Variants in DCC observed in about 807,000 individuals in gnomAD.
DCC encodes DCC netrin 1 receptor, also known as netrin receptor DCC.
DCC carries 58 observed loss-of-function variants against 172.5 expected under a neutral mutation model. The observed-to-expected ratio is 0.34, with a 90% CI of 0.27 to 0.42. The LOEUF is 0.42. Ranked by LOEUF, DCC falls within the 10% of genes least tolerant of loss-of-function variation. The pLI, the probability that DCC is intolerant of heterozygous loss-of-function variation, is 1.00. For missense variants in DCC, 1,740 were observed against 1,791.0 expected (o/e 0.97, Z 0.51); for synonymous variants, 709 against 644.5 (o/e 1.10, Z -1.52).
chr18:53,455,891 T>C lies in DCC; in HGVS notation c.3393-3341T>C, dbSNP rs143814897. ...TTCAATGCCTCCCTGATCTTTACAT[T>C]TGTAGTACTTAGCACATTTCTTGAC... is the stretch of plus-strand genomic sequence containing the variant. On this transcript the variant is annotated intron_variant, in intron 23 of 28. Coordinates refer to ENST00000442544, the MANE Select transcript of DCC (RefSeq NM_005215.4). 4.5e-4 allele frequency among the ~76,000 whole-genome samples: 68 copies of C among 152,346 alleles called. No homozygotes were observed. In the East Asian group the frequency reaches 0.011, roughly 24 times the overall value.
At chr18:53,333,715 T>A (rs749593520) in intron 14 of DCC, among the ~76,000 whole-genome samples, 1 of 152,192 alleles carries the variant, frequency 6.6e-6, no homozygotes, top group Non-Finnish European at 1.5e-5. Context: ...TGAGAACACC[T>A]TGGGGGGTTT....
At chr18:53,117,438 C>T (rs1397981271) in intron 7 of DCC, among the ~76,000 whole-genome samples, 1 of 151,732 alleles carries the variant, frequency 6.6e-6, no homozygotes, top group Admixed American at 6.6e-5. Context: ...TCCACCCTTT[C>T]TTTTGTCATC....
intron 5 of DCC, among the ~76,000 whole-genome samples, chr18:52,935,902 T>C (rs993021821): frequency 1.3e-5 from 2 of 152,124 alleles, no homozygotes; most frequent in African/African-American, 2.4e-5. Context: ...AGTCCTTAAA[T>C]TTTACATATA....
intron 1 of DCC, among the ~76,000 whole-genome samples, chr18:52,671,873 G>C (rs184026609): frequency 6.6e-6 from 1 of 151,962 alleles, no homozygotes; most frequent in Non-Finnish European, 1.5e-5. Context: ...TTTGCAGAAC[G>C]AAACTCTTGA....
At chr18:53,061,390 G>A (rs991904047) in intron 5 of DCC, among the ~76,000 whole-genome samples, 2 of 151,786 alleles carry the variant, frequency 1.3e-5, no homozygotes, top group Non-Finnish European at 2.9e-5. Flanking sequence ...TTAAATTTTA[G>A]TCTCAACCCA....
chr18:52,881,533 G>C (rs143441266), intron 2 of DCC, among the ~76,000 whole-genome samples: 124 of 152,234 alleles, frequency 8.1e-4, no homozygotes, highest in African/African-American at 2.9e-3. Context: ...TATGGCAAGA[G>C]ATAAGTGTCA....
chr18:53,189,098 G>A (rs916565304), intron 9 of DCC, among the ~76,000 whole-genome samples: 2 of 152,018 alleles, frequency 1.3e-5, no homozygotes, highest in East Asian at 1.9e-4. Flanking sequence ...TTCTTAGTAC[G>A]ATTCAATGTC....
intron 19 of DCC, among the ~76,000 whole-genome samples, chr18:53,403,361 C>T (rs149630504): frequency 0.012 from 1,803 of 152,164 alleles, 40 homozygotes; most frequent in African/African-American, 0.04. Flanking sequence ...TAGGTTTTAG[C>T]TTCTTACTTA....
intron 27 of DCC, 124 bp from the exon 28 acceptor site, chr18:53,526,493 T>C: frequency 9.7e-7 from 1 of 1,030,156 alleles, no homozygotes; most frequent in Non-Finnish European, 1.5e-6. Context: ...AATTCATCTT[T>C]ACACTACAGA....
rs117231131 is a variant in DCC, at chr18:53,302,400, G to A, written c.1912-3178G>A. ...CAACTATTTAGACTATTCTGACTTC[G>A]AATACTGTAGATTAGTTTTGCCTAT... On this transcript the variant is annotated intron_variant, in intron 12 of 28. Coordinates refer to ENST00000442544, the MANE Select transcript of DCC (RefSeq NM_005215.4). Among the ~76,000 whole-genome samples, 819 of 152,100 alleles carry A rather than the reference G, an allele frequency of 5.4e-3. 6 individuals are homozygous for A. The highest frequency in any genetic ancestry group is 0.023 in the Admixed American group (346 of 15,282).
intron 1 of DCC, among the ~76,000 whole-genome samples, chr18:52,673,312 G>A (rs1283160805): frequency 2.0e-5 from 3 of 152,016 alleles, no homozygotes; most frequent in Admixed American, 1.3e-4. Context: ...TAGTTGTCAT[G>A]TTTCCTTAGT....
chr18:53,181,349 A>C (rs8084565), intron 9 of DCC, among the ~76,000 whole-genome samples: 4,446 of 151,772 alleles, frequency 0.029, 74 homozygotes, highest in Admixed American at 0.046. Context: ...CCCTTGATCA[A>C]TACTATTGTT....
intron 9 of DCC, among the ~76,000 whole-genome samples, chr18:53,182,621 T>C: frequency 6.6e-6 from 1 of 152,190 alleles, no homozygotes; most frequent in Admixed American, 6.5e-5. Flanking sequence ...TCATGAGTGA[T>C]AGGCATTGCA....
chr18:52,396,282 C>T (rs1457852570), intron 1 of DCC, among the ~76,000 whole-genome samples: 2 of 6,548 alleles, frequency 3.1e-4, no homozygotes, highest in Admixed American at 1.1e-3. Context: ...CTGCACCACA[C>T]CCCCCCCCCA....
intron 15 of DCC, among the ~76,000 whole-genome samples, chr18:53,374,205 G>A (rs886808461): frequency 6.6e-6 from 1 of 152,070 alleles, no homozygotes; most frequent in Non-Finnish European, 1.5e-5. Context: ...TACTCACATT[G>A]TAAGTACTCA....
At chr18:52,640,779 G>A (rs954277008) in intron 1 of DCC, among the ~76,000 whole-genome samples, 1 of 152,026 alleles carries the variant, frequency 6.6e-6, no homozygotes, top group African/African-American at 2.4e-5. Context: ...TATGAAAAAT[G>A]ACCATACTGC....
chr18:52,592,984 C>T (rs2033831539), intron 1 of DCC, among the ~76,000 whole-genome samples: 1 of 152,060 alleles, frequency 6.6e-6, no homozygotes, highest in South Asian at 2.1e-4. Context: ...TATCAAGGCT[C>T]GATTTACTCA....
At chr18:52,508,977 C>A (rs555666402) in intron 1 of DCC, among the ~76,000 whole-genome samples, 5 of 152,276 alleles carry the variant, frequency 3.3e-5, no homozygotes, top group African/African-American at 7.2e-5. Context: ...GACTGAAATG[C>A]GGGTCTTCAA....
intron 1 of DCC, among the ~76,000 whole-genome samples, chr18:52,743,406 A>G (rs776192580): frequency 2.0e-5 from 3 of 152,176 alleles, no homozygotes; most frequent in Non-Finnish European, 4.4e-5. Flanking sequence ...TTAATTTTGT[A>G]TGAGACCTGG....
Sources: allele counts gnomAD v4.1 joint callset (sites outside exome capture counted in the v4.1 genomes callset), GRCh38; gene constraint gnomAD v4.1.1; transcripts MANE v1.5; gene names NCBI Gene and HGNC (gene_info 2026-07-23, HGNC 2026-07-21).